Variants in CERS1 observed in about 807,000 individuals in gnomAD.
The protein encoded by CERS1 is ceramide synthase 1.
Under a neutral mutation model 35.7 loss-of-function variants are expected in CERS1, and 16 were observed. That is an observed-to-expected ratio of 0.45 (90% confidence interval 0.30 to 0.68). The LOEUF (loss-of-function observed/expected upper bound fraction) is 0.68, where lower values mean the gene tolerates loss of function less well. CERS1 is among the 30% of genes least tolerant of loss of function. The pLI is 0.08. For synonymous variants in CERS1, 243 were observed against 201.6 expected (o/e 1.21, Z -1.74); for missense variants, 454 against 453.9 (o/e 1.00, Z 0.00).
chr19:18,873,423 G>A (rs904005195), intron 6 of CERS1, among the ~76,000 whole-genome samples: 7 of 151,802 alleles, frequency 4.6e-5, no homozygotes, highest in African/African-American at 7.3e-5. Flanking sequence ...AGGGCCAGGC[G>A]CAGTGGCTCA....
In CERS1 at chr19:18,870,035, G is replaced by C; in HGVS notation, c.*542C>G. The C allele has an allele frequency of 6.3e-7, 1 of 1,597,162 alleles. No individual in the cohort carries two copies. Among genetic ancestry groups the C allele is most frequent in the Non-Finnish European group, 8.5e-7 (1 of 1,174,560 alleles). On this transcript the variant is annotated 3_prime_UTR_variant, in exon 7 of 8. Transcript: ENST00000623882. The surrounding 1 kb of genome is among the most constrained non-coding windows in gnomAD (Gnocchi z 5.1). The stretch of plus-strand genomic sequence containing the variant: ...TTCCGGCGACCCCCAGCTCCTCCAC[G>C]TGGCACGGTTGCAGGGTGACCCCTG...
chr19:18,888,177 T>C (rs1166995496), intron 2 of CERS1, among the ~76,000 whole-genome samples: 1 of 151,972 alleles, frequency 6.6e-6, no homozygotes, highest in East Asian at 1.9e-4. Flanking sequence ...CTGGCCAACA[T>C]GGTGAAACCC....
intron 3 of CERS1, among the ~76,000 whole-genome samples, chr19:18,882,343 T>G (rs1015788635): frequency 3.9e-5 from 6 of 152,056 alleles, no homozygotes; most frequent in African/African-American, 1.4e-4. Context: ...AAAATTATTT[T>G]TTAAACTAAC....
In CERS1 at chr19:18,884,355, G is replaced by A. The variant is rs2056296641; in HGVS notation, c.410-88C>T. The A allele has an allele frequency of 1.0e-5, 13 of 1,265,886 alleles. No individual in the cohort carries two copies. In the East Asian group the frequency reaches 1.3e-4, roughly 12 times the overall value. The allele number at this position is 1,265,886 out of a possible 1,614,324, so 78.4% of individuals were successfully genotyped here. A position where few individuals can be genotyped will look rare whatever the true frequency, so the allele number is the denominator to read the frequency against. ...CCCGGTGACACCCTCCAAGCCACAC[G>A]TGTCCTCCCAGTACCCAGGTAACCA... On this transcript the variant is annotated intron_variant, in intron 2 of 7. Transcript: ENST00000623882.
At chr19:18,888,008 T>A (rs1418007390) in intron 2 of CERS1, among the ~76,000 whole-genome samples, 1 of 152,094 alleles carries the variant, frequency 6.6e-6, no homozygotes, top group Non-Finnish European at 1.5e-5. Context: ...TCACATAGTA[T>A]TTGTCTTTTT....
chr19:18,890,637 T>C (rs977399259), intron 2 of CERS1, among the ~76,000 whole-genome samples: 6 of 150,024 alleles, frequency 4.0e-5, no homozygotes, highest in African/African-American at 1.5e-4. Context: ...AAAAATTCGC[T>C]GGGGGTGGTG....
chr19:18,881,816 C>T (rs2056217374), intron 3 of CERS1: 2 of 152,216 alleles, frequency 1.3e-5, no homozygotes, highest in South Asian at 2.1e-4. Context: ...ACACCTAACA[C>T]CTGCAGCCAC....
chr19:18,869,484 G>C (rs990276981), intron 7 of CERS1, 94 bp from the exon 8 acceptor site: 16 of 1,452,190 alleles, frequency 1.1e-5, no homozygotes, highest in Non-Finnish European at 1.4e-5. Context: ...GAACGCTGGG[G>C]CTCGGGGCGC....
intron 2 of CERS1, among the ~76,000 whole-genome samples, chr19:18,892,618 A>G (rs1166199427): frequency 6.6e-6 from 1 of 151,964 alleles, no homozygotes. Flanking sequence ...CATCTCAAAA[A>G]AAGAAAAACA....
Position 18,870,310 on chromosome 19 carries a change from TCCTC to T in CERS1, c.*263_*266del, listed in dbSNP as rs2055945125. 1 of 1,544,686 alleles carries T rather than the reference TCCTC, an allele frequency of 6.5e-7. No homozygotes were observed. Among genetic ancestry groups the T allele is most frequent in the Non-Finnish European group, 8.7e-7 (1 of 1,146,324 alleles). ...GGACCTTGCTGCGGCGGTGGCATCT[TCCTC>T]CCAGGCGATGACCAGAGAGTGCGCA... On this transcript the variant is annotated 3_prime_UTR_variant, in exon 7 of 8. Transcript: ENST00000623882. The surrounding 1 kb of genome is among the most constrained non-coding windows in gnomAD (Gnocchi z 5.1).
chr19:18,870,429 G>A lies in CERS1; in HGVS notation c.*148C>T. The A allele has an allele frequency of 1.0e-6, 1 of 996,856 alleles. No homozygotes were observed. The highest frequency in any genetic ancestry group is 1.5e-6 in the Non-Finnish European group (1 of 669,520). 61.8% of individuals were successfully genotyped at this position (996,856 alleles called of 1,614,324 possible). ...TCCTGGGGGGCGTGGCCGGGAACTG[G>A]AGGCAGGATGAGGGGGCGGGGTCCC... On this transcript the variant is annotated 3_prime_UTR_variant, in exon 7 of 8. Transcript: ENST00000623882. This position sits in a 1 kb window ranked among gnomAD's most constrained non-coding sequence, Gnocchi z 5.1.
chr19:18,873,460 G>C (rs1256225981), intron 6 of CERS1, among the ~76,000 whole-genome samples: 2 of 152,050 alleles, frequency 1.3e-5, no homozygotes, highest in Non-Finnish European at 2.9e-5. Context: ...ACTTTGGGAG[G>C]CTGAGTCAGG....
intron 2 of CERS1, among the ~76,000 whole-genome samples, chr19:18,889,107 G>C (rs578103181): frequency 1.6e-4 from 24 of 151,884 alleles, no homozygotes; most frequent in Non-Finnish European, 2.9e-4. Flanking sequence ...GGCCAGGCTG[G>C]TCTGGAACTC....
At chr19:18,886,044 C>T (rs1053361416) in intron 2 of CERS1, among the ~76,000 whole-genome samples, 2 of 152,152 alleles carry the variant, frequency 1.3e-5, no homozygotes, top group African/African-American at 4.8e-5. Context: ...CACACCAGCC[C>T]ACCCCACCAC....
chr19:18,874,420 C>T (rs539525158), intron 6 of CERS1, among the ~76,000 whole-genome samples: 14 of 152,342 alleles, frequency 9.2e-5, no homozygotes, highest in Non-Finnish European at 1.8e-4. Flanking sequence ...CCTCCAGCCT[C>T]GGCCTCCCAA....
chr19:18,868,793 C>G lies in CERS1; in HGVS notation c.*1192G>C. The stretch of plus-strand genomic sequence containing the variant: ...GTTGAGCGCCGGCGGCCCCCCGGAC[C>G]CCGACAGCGCGACGGGCAGCGCGCA... On this transcript the variant is annotated 3_prime_UTR_variant, in exon 8 of 8. Transcript: ENST00000623882. The G allele has an allele frequency of 6.9e-7, 1 of 1,459,508 alleles. No homozygotes were observed. Among genetic ancestry groups the G allele is most frequent in the African/African-American group, 1.5e-5 (1 of 66,948 alleles). 90.4% of individuals were successfully genotyped at this position (1,459,508 alleles called of 1,614,324 possible). A position where few individuals can be genotyped will look rare whatever the true frequency, so the allele number is the denominator to read the frequency against.
chr19:18,871,221 C>A (rs2055964194), intron 6 of CERS1, among the ~76,000 whole-genome samples: 3 of 119,340 alleles, frequency 2.5e-5, no homozygotes, highest in African/African-American at 6.8e-5. Flanking sequence ...CCACTCCCAG[C>A]AATTTTTTTT....
intron 3 of CERS1, among the ~76,000 whole-genome samples, chr19:18,882,268 C>A (rs1277990066): frequency 6.6e-6 from 1 of 152,174 alleles, no homozygotes; most frequent in African/African-American, 2.4e-5. Flanking sequence ...AGCCACCAGC[C>A]ACTTGTGGCC....
chr19:18,894,777 G>A (rs962800472), intron 1 of CERS1, among the ~76,000 whole-genome samples: 1 of 152,126 alleles, frequency 6.6e-6, no homozygotes, highest in African/African-American at 2.4e-5. Flanking sequence ...GGGGAGAGTG[G>A]CAGTCAGACA....
Sources: allele counts gnomAD v4.1 joint callset (sites outside exome capture counted in the v4.1 genomes callset), GRCh38; gene constraint gnomAD v4.1.1; non-coding constraint Gnocchi (gnomAD v3.1); transcripts MANE v1.5; gene names NCBI Gene and HGNC (gene_info 2026-07-23, HGNC 2026-07-21).